The following PDE4A variants were observed in gnomAD, a reference collection of about 807,000 sequenced individuals.
The protein encoded by PDE4A is phosphodiesterase 4A.
Under a neutral mutation model 73.9 loss-of-function variants are expected in PDE4A, and 21 were observed. The observed-to-expected ratio is 0.28, with a 90% confidence interval of 0.20 to 0.41. PDE4A has a LOEUF of 0.41. Among genes scored for constraint, PDE4A ranks in the 10% least tolerant of loss-of-function variants. PDE4A has a pLI of 1.00. For synonymous variants in PDE4A, 463 were observed against 505.4 expected (o/e 0.92, Z 1.13); for missense variants, 958 against 1,211.4 (o/e 0.79, Z 3.10).
At chr19:10,419,059 T>TC, upstream of PDE4A, 1 of 682,040 alleles carries the variant, frequency 1.5e-6, no homozygotes, top group Non-Finnish European at 1.7e-6. Flanking sequence ...CGGCAGTCTT[T>TC]TTTTTTTTTT....
At chr19:10,462,824 C>T (rs961191047) in intron 13 of PDE4A, among the ~76,000 whole-genome samples, 4 of 152,106 alleles carry the variant, frequency 2.6e-5, no homozygotes, top group African/African-American at 9.7e-5. Context: ...TCCCACACAC[C>T]TCTCCCCGTT....
In PDE4A at chr19:10,462,013, C is replaced by T. The variant is rs768863961; in HGVS notation, c.1743+14C>T. ...GACCGCATCCAGGTGCCCCCACGCC[C>T]CATCATCTAAGGAGGGAGGACACTC... On this transcript the variant is annotated intron_variant, in intron 13 of 14. Coordinates refer to ENST00000380702, the MANE Select transcript of PDE4A (RefSeq NM_001111307.2). 6.2e-7 allele frequency: 1 copy of T among 1,607,336 alleles called. No homozygotes were observed. Among genetic ancestry groups the T allele is most frequent in the East Asian group, 2.2e-5 (1 of 44,860 alleles).
In PDE4A at chr19:10,453,457, C is replaced by A; in HGVS notation, c.784-1372C>A. ...GCCTTGTGACTGTCTCTGTGTGTGG[C>A]CCAGGGCTGGGCGTGGATGGCGGGC... On this transcript the variant is annotated intron_variant, in intron 6 of 14. Transcript: ENST00000380702. This position sits in a 1 kb window ranked among gnomAD's most constrained non-coding sequence, Gnocchi z 4.6. 1 of 1,217,512 alleles carries A rather than the reference C, an allele frequency of 8.2e-7. No individual in the cohort carries two copies. Among genetic ancestry groups the A allele is most frequent in the Non-Finnish European group, 1.1e-6 (1 of 903,080 alleles). The allele number at this position is 1,217,512 out of a possible 1,614,324, so 75.4% of individuals were successfully genotyped here.
At chr19:10,422,778 C>T (rs2042667843) in intron 1 of PDE4A, among the ~76,000 whole-genome samples, 1 of 152,136 alleles carries the variant, frequency 6.6e-6, no homozygotes, top group African/African-American at 2.4e-5. Flanking sequence ...CCAAAGGGAA[C>T]TGGAGAGAGG....
chr19:10,463,776 G>T lies in PDE4A; in HGVS notation c.1744-17G>T. On this transcript the variant is annotated splice_polypyrimidine_tract_variant and intron_variant, in intron 13 of 14. Coordinates refer to ENST00000380702, the MANE Select transcript of PDE4A (RefSeq NM_001111307.2). ...GCATAGCCTCTGAAGTTTCCCCTGTGCCCCAACCCCATGCAGGTCCTCCGG... is the reference window on the plus strand; with the variant it reads ...GCATAGCCTCTGAAGTTTCCCCTGTTCCCCAACCCCATGCAGGTCCTCCGG... 6.2e-7 allele frequency: 1 copy of T among 1,613,500 alleles called. No individual in the cohort carries two copies. Among genetic ancestry groups the T allele is most frequent in the Non-Finnish European group, 8.5e-7 (1 of 1,179,552 alleles).
intron 1 of PDE4A, among the ~76,000 whole-genome samples, chr19:10,426,790 C>T (rs1208515338): frequency 1.3e-5 from 2 of 151,648 alleles, no homozygotes; most frequent in Non-Finnish European, 2.9e-5. Flanking sequence ...ATTGCATGAA[C>T]CCAGGAGGCG....
At chr19:10,465,871 T>C (rs2043360218) in intron 14 of PDE4A, among the ~76,000 whole-genome samples, 1 of 149,672 alleles carries the variant, frequency 6.7e-6, no homozygotes. Flanking sequence ...CTGCTAATTT[T>C]TGTATTTTTA....
chr19:10,432,286 C>A, intron 1 of PDE4A: 1 of 1,119,402 alleles, frequency 8.9e-7, no homozygotes, highest in Non-Finnish European at 1.1e-6. Flanking sequence ...AACGCTCGAC[C>A]GCCCGGGGCT....
At chr19:10,421,298 A>C in intron 1 of PDE4A, 3 of 985,064 alleles carry the variant, frequency 3.0e-6, no homozygotes, top group Non-Finnish European at 3.6e-6. Flanking sequence ...GGGTCCATTT[A>C]GGGGGCGCCA....
chr19:10,439,289 A>T (rs2042906056), intron 1 of PDE4A, among the ~76,000 whole-genome samples: 1 of 151,628 alleles, frequency 6.6e-6, no homozygotes, highest in Non-Finnish European at 1.5e-5. Flanking sequence ...TCAAGCAATT[A>T]TCTGGCTGCA....
rs1178935136 is a variant in PDE4A at position 10,427,452 on chromosome 19, GA to G, written c.320+6375del. On this transcript the variant is annotated intron_variant, in intron 1 of 14. Transcript: ENST00000380702. ...AGGCAGAGTGAGCGAGGAGGCAGTG[GA>G]AAAAAAGGAGGGAGCGAGGTGACAG... 4 of 981,604 alleles carry G rather than the reference GA, an allele frequency of 4.1e-6. No homozygotes were observed. The South Asian group carries it at 1.9e-4, about 46-fold the overall frequency. The allele number at this position is 981,604 out of a possible 1,614,324, so 60.8% of individuals were successfully genotyped here. A position where few individuals can be genotyped will look rare whatever the true frequency, so the allele number is the denominator to read the frequency against.
In PDE4A at chr19:10,458,167, G is replaced by A. The variant is rs2043202700; in HGVS notation, c.1101+65G>A. On this transcript the variant is annotated intron_variant, in intron 8 of 14. Transcript: ENST00000380702. This position sits in a 1 kb window ranked among gnomAD's most constrained non-coding sequence, Gnocchi z 4.6. ...GTCTCCTGGGACCCTGAGAAGGACT[G>A]GGCATTGGGTTATGTCTTAGGCCAG... is the stretch of plus-strand genomic sequence containing the variant. The A allele has an allele frequency of 6.7e-7, 1 of 1,488,238 alleles. No homozygotes were observed. The highest frequency in any genetic ancestry group is 1.7e-5 in the Admixed American group (1 of 58,224). 92.2% of individuals were successfully genotyped at this position (1,488,238 alleles called of 1,614,324 possible). A position where few individuals can be genotyped will look rare whatever the true frequency, so the allele number is the denominator to read the frequency against.
At chr19:10,461,782 A>G in intron 12 of PDE4A, 95 bp from the exon 13 acceptor site, 1 of 1,580,874 alleles carries the variant, frequency 6.3e-7, no homozygotes, top group South Asian at 1.2e-5. Flanking sequence ...CAACCTGGAC[A>G]GAGCGGGCGG....
intron 13 of PDE4A, among the ~76,000 whole-genome samples, chr19:10,462,791 A>C (rs1599457896): frequency 5.0e-5 from 7 of 140,780 alleles, no homozygotes; most frequent in Admixed American, 2.1e-4. Flanking sequence ...CCCCCTTCCG[A>C]CTCCTCCCAT....
At chr19:10,449,357 TTTTG>T (rs201924126) in intron 4 of PDE4A, among the ~76,000 whole-genome samples, 13,883 of 144,656 alleles carry the variant, frequency 0.096, 677 homozygotes, top group African/African-American at 0.15. Flanking sequence ...GTTTTTTGTT[TTTTG>T]TTTGTTTGTT....
rs1374685660 is a variant in PDE4A, at chr19:10,453,038, G to A, written c.784-1791G>A. On this transcript the variant is annotated intron_variant, in intron 6 of 14. Transcript: ENST00000380702. The surrounding 1 kb of genome is among the most constrained non-coding windows in gnomAD (Gnocchi z 4.6). ...CCACCGCCTCCACCCACTGCCGCGG[G>A]GGGGCCCGTTGGGGCCCAGGGCTGG... The A allele has an allele frequency of 5.2e-6, 7 of 1,339,878 alleles. No homozygotes were observed. The highest frequency in any genetic ancestry group is 3.6e-5 in the Admixed American group (1 of 28,078). 83.0% of individuals were successfully genotyped at this position (1,339,878 alleles called of 1,614,324 possible). A position where few individuals can be genotyped will look rare whatever the true frequency, so the allele number is the denominator to read the frequency against.
In PDE4A at chr19:10,420,847, C is replaced by G. The variant is rs745844347; in HGVS notation, c.83C>G (p.Pro28Arg). 2.5e-6 allele frequency: 4 copies of G among 1,590,056 alleles called. No individual in the cohort carries two copies. The highest frequency in any genetic ancestry group is 3.4e-6 in the Non-Finnish European group (4 of 1,176,014). ...GPREGQATLKPPPQHLWRQPR... is the reference protein window; with the variant it reads ...GPREGQATLKRPPQHLWRQPR... ...CGGGAGGGCCAGGCCACCCTGAAGC[C>G]TCCCCCGCAGCACCTGTGGCGGCAG... The change falls in exon 1 of 15, where the codon CCT becomes CGT. Residue 28 changes from proline (P) to arginine (R), a missense_variant. Pro to Arg is a moderately radical substitution (Grantham distance 103). Transcript: ENST00000380702. The surrounding 1 kb of genome is among the most constrained non-coding windows in gnomAD (Gnocchi z 6.0).
chr19:10,461,417 C>G (rs1420508873), intron 11 of PDE4A, 109 bp from the exon 12 acceptor site: 1 of 1,526,046 alleles, frequency 6.6e-7, no homozygotes, highest in African/African-American at 1.4e-5. Flanking sequence ...GGGCTGGAGG[C>G]GAGGCTGGCC....
Position 10,427,634 on chromosome 19 carries a change from G to A in PDE4A, c.320+6550G>A, listed in dbSNP as rs917617554. The A allele has an allele frequency of 2.9e-5, 29 of 984,868 alleles. No homozygotes were observed. The Admixed American group carries it at 1.8e-3, about 61-fold the overall frequency. The allele number at this position is 984,868 out of a possible 1,614,324, so 61.0% of individuals were successfully genotyped here. A position where few individuals can be genotyped will look rare whatever the true frequency, so the allele number is the denominator to read the frequency against. On this transcript the variant is annotated intron_variant, in intron 1 of 14. Coordinates refer to ENST00000380702, the MANE Select transcript of PDE4A (RefSeq NM_001111307.2). ...GTGTAGCCTCATGGCTAAAATTCCT[G>A]TCTCTGAAGCCAGACAGCTGGGTCC...
Sources: gnomAD v4.1 joint callset for allele counts (sites outside exome capture counted in the v4.1 genomes callset) on GRCh38, gnomAD v4.1.1 for gene constraint, Gnocchi (gnomAD v3.1) non-coding constraint, MANE v1.5 for transcripts, NCBI Gene and HGNC (gene_info 2026-07-23, HGNC 2026-07-21) for gene names.